TMEM74: variants seen among roughly 807,000 people sequenced by gnomAD.
The protein encoded by TMEM74 is transmembrane protein 74.
A neutral mutation model predicts 18.1 loss-of-function variants in TMEM74; 13 were observed. The observed-to-expected ratio is 0.72, with a 90% CI of 0.47 to 1.14. The LOEUF (loss-of-function observed/expected upper bound fraction) is 1.14, where lower values mean the gene tolerates loss of function less well. Among genes scored for constraint, TMEM74 ranks in the 50% most tolerant of loss-of-function variants. The pLI is 0.00. For synonymous variants in TMEM74, 159 were observed against 146.6 expected (o/e 1.08, Z -0.61); for missense variants, 372 against 375.9 (o/e 0.99, Z 0.09).
intron 1 of TMEM74, among the ~76,000 whole-genome samples, chr8:108,677,788 T>C (rs1345704788): frequency 6.6e-6 from 1 of 152,176 alleles, no homozygotes; most frequent in Non-Finnish European, 1.5e-5. Flanking sequence ...ATAGACTGAA[T>C]ATGGCTAGTT....
At chr8:108,686,833 G>C (rs1813175491) in intron 1 of TMEM74, among the ~76,000 whole-genome samples, 1 of 152,100 alleles carries the variant, frequency 6.6e-6, no homozygotes, top group Non-Finnish European at 1.5e-5. Flanking sequence ...CAGACTCTAA[G>C]TGTTTATTAT....
intron 1 of TMEM74, among the ~76,000 whole-genome samples, chr8:108,693,765 A>G (rs558325093): frequency 6.6e-6 from 1 of 152,358 alleles, no homozygotes; most frequent in Admixed American, 6.5e-5. Flanking sequence ...CAAGAAGTCA[A>G]TCAATGGCAG....
At chr8:108,650,974 G>T (rs1439733454) in intron 2 of TMEM74, among the ~76,000 whole-genome samples, 1 of 152,118 alleles carries the variant, frequency 6.6e-6, no homozygotes, top group African/African-American at 2.4e-5. Context: ...GCCTCGCAAA[G>T]TGTTGGGATT....
intron 1 of TMEM74, among the ~76,000 whole-genome samples, chr8:108,716,337 TTAAAAC>T (rs1563533737): frequency 1.3e-5 from 2 of 152,080 alleles, no homozygotes; most frequent in African/African-American, 4.8e-5. Context: ...TTTCAGTACA[TTAAAAC>T]TATTAAATAA....
Position 108,784,092 on chromosome 8 carries a change from C to T in TMEM74, c.*89G>A. 1 of 1,183,308 alleles carries T rather than the reference C, an allele frequency of 8.5e-7. No individual in the cohort carries two copies. The highest frequency in any genetic ancestry group is 1.2e-6 in the Non-Finnish European group (1 of 854,570). 73.3% of individuals were successfully genotyped at this position (1,183,308 alleles called of 1,614,324 possible). On this transcript the variant is annotated 3_prime_UTR_variant, in exon 2 of 2. Coordinates refer to ENST00000297459, the MANE Select transcript of TMEM74 (RefSeq NM_153015.3). ...TGTGAAATAAACTTTTCTTGCCAGG[C>T]AAATAAATTGCACTGTGAATTTTTA...
At chr8:108,728,776 C>T (rs1458737369) in intron 1 of TMEM74, among the ~76,000 whole-genome samples, 1 of 152,182 alleles carries the variant, frequency 6.6e-6, no homozygotes, top group African/African-American at 2.4e-5. Context: ...TTATAATTCA[C>T]AGGCCATTCT....
At chr8:108,725,330 C>T (rs1199988671) in intron 1 of TMEM74, among the ~76,000 whole-genome samples, 1 of 152,084 alleles carries the variant, frequency 6.6e-6, no homozygotes, top group Non-Finnish European at 1.5e-5. Flanking sequence ...GTTATAATTC[C>T]TAATAAGAGA....
At chr8:108,657,818 G>C (rs909002975) in intron 1 of TMEM74, among the ~76,000 whole-genome samples, 2 of 122,744 alleles carry the variant, frequency 1.6e-5, no homozygotes, top group Non-Finnish European at 3.2e-5. Flanking sequence ...ACTGTAGCCT[G>C]GGTGACAGAG....
At chr8:108,717,160 A>T (rs1813534603) in intron 1 of TMEM74, among the ~76,000 whole-genome samples, 1 of 152,118 alleles carries the variant, frequency 6.6e-6, no homozygotes, top group African/African-American at 2.4e-5. Context: ...ATTTAATGCA[A>T]ATAAGTATCC....
intron 2 of TMEM74, among the ~76,000 whole-genome samples, chr8:108,634,159 C>T (rs1812582865): frequency 6.6e-6 from 1 of 151,776 alleles, no homozygotes; most frequent in African/African-American, 2.4e-5. Context: ...GTTTTTATGG[C>T]CATATGACTT....
chr8:108,648,171 G>T (rs1321922778), intron 2 of TMEM74, among the ~76,000 whole-genome samples: 1 of 152,126 alleles, frequency 6.6e-6, no homozygotes, highest in Non-Finnish European at 1.5e-5. Flanking sequence ...AAGAGGTGGG[G>T]TATATTTTTC....
chr8:108,720,325 T>G (rs1029051317), intron 1 of TMEM74, among the ~76,000 whole-genome samples: 2 of 152,236 alleles, frequency 1.3e-5, no homozygotes, highest in Non-Finnish European at 2.9e-5. Flanking sequence ...CTAAACATTG[T>G]TCTGTGAGCA....
At chr8:108,705,098 T>C (rs1000240014) in intron 1 of TMEM74, among the ~76,000 whole-genome samples, 1 of 152,230 alleles carries the variant, frequency 6.6e-6, no homozygotes, top group African/African-American at 2.4e-5. Context: ...ACTTCTGTAA[T>C]TGATATTAAC....
At chr8:108,656,485 T>C (rs955784202) in intron 1 of TMEM74, among the ~76,000 whole-genome samples, 15 of 152,206 alleles carry the variant, frequency 9.9e-5, no homozygotes, top group African/African-American at 3.6e-4. Context: ...TTCTTCCACA[T>C]AGAGTTACTC....
At chr8:108,675,199 C>T (rs779469008) in intron 1 of TMEM74, among the ~76,000 whole-genome samples, 1 of 152,196 alleles carries the variant, frequency 6.6e-6, no homozygotes. Flanking sequence ...CATTGACTAC[C>T]TTTTGTTTAT....
intron 1 of TMEM74, among the ~76,000 whole-genome samples, chr8:108,717,350 A>C (rs1813536238): frequency 6.6e-6 from 1 of 152,218 alleles, no homozygotes; most frequent in South Asian, 2.1e-4. Flanking sequence ...TGAAATGATC[A>C]ACTACTATCA....
chr8:108,703,802 T>C (rs1261963090), intron 1 of TMEM74, among the ~76,000 whole-genome samples: 2 of 152,244 alleles, frequency 1.3e-5, no homozygotes, highest in East Asian at 3.8e-4. Flanking sequence ...CCTTGCTAAA[T>C]GCCCTTACGG....
intron 1 of TMEM74, among the ~76,000 whole-genome samples, chr8:108,752,725 T>C (rs1000916284): frequency 1.8e-4 from 28 of 152,158 alleles, no homozygotes; most frequent in Non-Finnish European, 3.7e-4. Flanking sequence ...ATTCTTCAAC[T>C]TGTTCACTCT....
chr8:108,684,878 A>C (rs1813153082), intron 1 of TMEM74, among the ~76,000 whole-genome samples: 1 of 151,922 alleles, frequency 6.6e-6, no homozygotes, highest in African/African-American at 2.4e-5. Context: ...GAATACCTCC[A>C]GCTTTGTTCT....
Sources: gnomAD v4.1 joint callset for allele counts (sites outside exome capture counted in the v4.1 genomes callset) on GRCh38, gnomAD v4.1.1 for gene constraint, MANE v1.5 for transcripts, NCBI Gene and HGNC (gene_info 2026-07-23, HGNC 2026-07-21) for gene names.